The following NCAPD3 variants were observed in gnomAD, a reference collection of about 807,000 sequenced individuals.
The protein encoded by NCAPD3 is condensin-2 complex subunit D3.
Under a neutral mutation model 182.9 loss-of-function variants are expected in NCAPD3, and 105 were observed. The observed-to-expected ratio is 0.57, with a 90% CI of 0.49 to 0.68. The LOEUF (loss-of-function observed/expected upper bound fraction) is 0.68. NCAPD3 is among the 30% of genes least tolerant of loss of function. The probability of loss-of-function intolerance (pLI) is 0.00; values close to 1 mark genes in which losing one functional copy is unlikely to be tolerated. For synonymous variants in NCAPD3, 815 were observed against 679.9 expected, an observed-to-expected ratio of 1.20 and a Z score of -3.09; for missense variants, 1,944 against 1,837.0, an observed-to-expected ratio of 1.06 and a Z score of -1.07.
intron 16 of NCAPD3, among the ~76,000 whole-genome samples, chr11:134,189,231 C>T (rs1225684212): frequency 1.3e-5 from 2 of 152,118 alleles, no homozygotes; most frequent in African/African-American, 4.8e-5. Flanking sequence ...TTTTTCTTGT[C>T]ATATCTCGGC....
intron 16 of NCAPD3, among the ~76,000 whole-genome samples, chr11:134,187,802 G>A (rs760912156): frequency 2.6e-5 from 4 of 152,168 alleles, no homozygotes; most frequent in Non-Finnish European, 4.4e-5. Flanking sequence ...AGCAACTGGA[G>A]GAGAGGAAGT....
chr11:134,207,210 CAAGT>C (rs1937634920), intron 7 of NCAPD3, among the ~76,000 whole-genome samples: 1 of 152,034 alleles, frequency 6.6e-6, no homozygotes, highest in Admixed American at 6.5e-5. Flanking sequence ...TACTGAAAAC[CAAGT>C]AAGTGGTAGG....
chr11:134,162,537 C>T (rs181965261), intron 27 of NCAPD3, among the ~76,000 whole-genome samples: 111 of 152,258 alleles, frequency 7.3e-4, no homozygotes, highest in Non-Finnish European at 1.5e-3. Flanking sequence ...AAGATTTATC[C>T]TCCTGAAGCT....
chr11:134,170,991 TTGTC>T (rs755227793), intron 24 of NCAPD3, among the ~76,000 whole-genome samples: 5 of 152,350 alleles, frequency 3.3e-5, no homozygotes, highest in Non-Finnish European at 5.9e-5. Flanking sequence ...TGTTTCTTGT[TTGTC>T]TGCTGAAAAG....
chr11:134,202,206 T>C (rs1460801942), intron 13 of NCAPD3, among the ~76,000 whole-genome samples: 1 of 152,216 alleles, frequency 6.6e-6, no homozygotes, highest in Non-Finnish European at 1.5e-5. Flanking sequence ...TTCTCTCTCT[T>C]ATCTGTGTCT....
intron 20 of NCAPD3, among the ~76,000 whole-genome samples, chr11:134,180,376 T>C (rs967449765): frequency 5.3e-5 from 8 of 152,180 alleles, no homozygotes; most frequent in African/African-American, 1.9e-4. Flanking sequence ...TTTGGTTAAA[T>C]AATGATCTGT....
intron 29 of NCAPD3, among the ~76,000 whole-genome samples, 154 bp from the exon 30 acceptor site, chr11:134,158,649 C>A (rs922613927): frequency 6.6e-6 from 1 of 152,218 alleles, no homozygotes; most frequent in Non-Finnish European, 1.5e-5. Flanking sequence ...ATCTCCATCA[C>A]CTCAAACGTG....
intron 7 of NCAPD3, among the ~76,000 whole-genome samples, chr11:134,208,070 T>C (rs976415120): frequency 3.3e-5 from 5 of 152,176 alleles, no homozygotes; most frequent in African/African-American, 9.7e-5. Context: ...CCAGGGTGAA[T>C]GGCTCATTCA....
Position 134,168,003 on chromosome 11 carries a change from A to G in NCAPD3, c.3566T>C (p.Ile1189Thr). 2 of 1,613,868 alleles carry G rather than the reference A, an allele frequency of 1.2e-6. No individual in the cohort carries two copies. The highest frequency in any genetic ancestry group is 1.7e-5 in the Admixed American group (1 of 59,994). The change falls in exon 27 of 35, where the codon ATC (isoleucine) becomes ACC (threonine). Residue 1189 changes from isoleucine (I) to threonine (T), a missense_variant. By Grantham distance (89) the Ile-to-Thr change is moderately conservative (BLOSUM62 -1). Coordinates refer to ENST00000534548, the MANE Select transcript of NCAPD3 (RefSeq NM_015261.3). ...VVMQEAQKKLISQVQKRNFIE... is the reference protein window; with the variant it reads ...VVMQEAQKKLTSQVQKRNFIE... ...GGGGAGCAACACACTCACTTGTGAG[A>G]TGAGCTTCTTCTGAGCTTCCTGCAT...
intron 25 of NCAPD3, 139 bp from the exon 26 acceptor site, chr11:134,168,741 G>T: frequency 7.3e-7 from 1 of 1,377,228 alleles, no homozygotes; most frequent in Non-Finnish European, 9.9e-7. Context: ...CATCACAGGC[G>T]CTGCCCTTAG....
chr11:134,223,957 G>C lies in NCAPD3; in HGVS notation c.-31C>G. 9 of 1,607,876 alleles carry C rather than the reference G, an allele frequency of 5.6e-6. No individual in the cohort carries two copies. The highest frequency in any genetic ancestry group is 7.6e-6 in the Non-Finnish European group (9 of 1,178,098). ...CAGGGCACCGGCTCGCCGCCGCCGT[G>C]CTCAACTTTCAAAGCTCGCTCCCGC... On this transcript the variant is annotated 5_prime_UTR_variant, in exon 1 of 35. Coordinates refer to ENST00000534548, the MANE Select transcript of NCAPD3 (RefSeq NM_015261.3).
chr11:134,154,069 C>CT (rs1943345784), intron 32 of NCAPD3: 1 of 152,904 alleles, frequency 6.5e-6, no homozygotes, highest in Non-Finnish European at 1.5e-5. Context: ...GTGAGCTGCT[C>CT]TGAGACCCTC....
In NCAPD3 at chr11:134,192,875, C is replaced by T. The variant is rs1944554113; in HGVS notation, c.1859G>A (p.Trp620Ter). The change falls in exon 16 of 35, where the codon TGG becomes TAG. Residue 620 changes from tryptophan (W) to a stop codon, truncating the protein, a stop_gained. Transcript: ENST00000534548. LOFTEE classifies it high-confidence loss of function. Reference protein sequence around the residue: ...QPRCVQIQKAWLRGVVPVVMD... With the variant: ...QPRCVQIQKA ...CACCACCGGGACCACCCCCCGCAAC[C>T]AGGCTTTCTGGATCTGCACGCATCT... 6.2e-7 allele frequency: 1 copy of T among 1,613,762 alleles called. No homozygotes were observed. Among genetic ancestry groups the T allele is most frequent in the Non-Finnish European group, 8.5e-7 (1 of 1,179,690 alleles).
rs974085623 is a variant in NCAPD3, at chr11:134,152,499, A to T, written c.*445T>A. 9.1e-5 allele frequency: 14 copies of T among 153,058 alleles called. No homozygotes were observed. The highest frequency in any genetic ancestry group is 3.4e-4 in the African/African-American group (14 of 41,484). 9.5% of individuals were successfully genotyped at this position (153,058 alleles called of 1,614,324 possible). A position where few individuals can be genotyped will look rare whatever the true frequency, so the allele number is the denominator to read the frequency against. On this transcript the variant is annotated 3_prime_UTR_variant, in exon 35 of 35. Transcript: ENST00000534548. ...AGAAAGCTGTACACTTTTTTAAAAA[A>T]TTTGCACTTATAAATAATAGAAAAA...
chr11:134,157,198 C>A, intron 31 of NCAPD3, 103 bp from the exon 32 acceptor site: 1 of 853,482 alleles, frequency 1.2e-6, no homozygotes, highest in Non-Finnish European at 1.8e-6. Flanking sequence ...AAGTCAAAAT[C>A]ACTAGTGTTT....
chr11:134,197,554 A>G (rs943291323), intron 13 of NCAPD3, among the ~76,000 whole-genome samples: 5 of 152,138 alleles, frequency 3.3e-5, no homozygotes, highest in Non-Finnish European at 5.9e-5. Context: ...TGGGATTACA[A>G]GCATGAGCCA....
Position 134,158,096 on chromosome 11 carries a change from T to C in NCAPD3, c.4035-29A>G, listed in dbSNP as rs779113135. On this transcript the variant is annotated intron_variant, in intron 30 of 34. Coordinates refer to ENST00000534548, the MANE Select transcript of NCAPD3 (RefSeq NM_015261.3). ...TGGAGAACAGCCACAGCCGCTGACTTTCTCACTGCAGACCACTGCAGAGGT... is the reference window on the plus strand; with the variant it reads ...TGGAGAACAGCCACAGCCGCTGACTCTCTCACTGCAGACCACTGCAGAGGT... 1.6e-5 allele frequency: 26 copies of C among 1,605,598 alleles called. 1 individual carries two copies. In the South Asian group the frequency reaches 2.8e-4, roughly 17 times the overall value.
chr11:134,174,921 G>A (rs747014341), intron 24 of NCAPD3, among the ~76,000 whole-genome samples: 1 of 152,166 alleles, frequency 6.6e-6, no homozygotes, highest in Non-Finnish European at 1.5e-5. Flanking sequence ...TTAAATTACA[G>A]TTAGCAAATG....
chr11:134,168,329 G>A, intron 26 of NCAPD3, 134 bp from the exon 27 acceptor site: 1 of 1,479,934 alleles, frequency 6.8e-7, no homozygotes, highest in African/African-American at 1.4e-5. Context: ...CTGGGGCACA[G>A]CTGATGCCAG....
Sources: gnomAD v4.1 joint callset for allele counts (sites outside exome capture counted in the v4.1 genomes callset) on GRCh38, gnomAD v4.1.1 for gene constraint, MANE v1.5 for transcripts, NCBI Gene and HGNC (gene_info 2026-07-23, HGNC 2026-07-21) for gene names.